The following SCD5 variants were observed in gnomAD, a reference collection of about 807,000 sequenced individuals.
SCD5 encodes the protein acyl-CoA-desaturase 4.
Under a neutral mutation model 30.4 loss-of-function variants are expected in SCD5, and 20 were observed. The observed-to-expected ratio is 0.66, with a 90% confidence interval of 0.46 to 0.96. The LOEUF (loss-of-function observed/expected upper bound fraction) is 0.96. Among genes scored for constraint, SCD5 ranks in the 40% least tolerant of loss-of-function variants. The pLI, the probability that SCD5 is intolerant of heterozygous loss-of-function variation, is 0.00. For synonymous variants in SCD5, 173 were observed against 176.4 expected, an observed-to-expected ratio of 0.98 and a Z score of 0.16; for missense variants, 381 against 443.3, an observed-to-expected ratio of 0.86 and a Z score of 1.26.
chr4:82,661,587 A>G (rs1405806703), intron 3 of SCD5, among the ~76,000 whole-genome samples: 1 of 152,232 alleles, frequency 6.6e-6, no homozygotes, highest in Non-Finnish European at 1.5e-5. Context: ...TGGAAAGAAC[A>G]ATTTGGACAG....
At chr4:82,635,880 A>G (rs1206332594) in intron 4 of SCD5, among the ~76,000 whole-genome samples, 1 of 152,138 alleles carries the variant, frequency 6.6e-6, no homozygotes, top group Non-Finnish European at 1.5e-5. Flanking sequence ...GTGAAATGCC[A>G]AGTCTCATTC....
chr4:82,771,021 A>G (rs1249042466), intron 1 of SCD5, among the ~76,000 whole-genome samples: 1 of 152,182 alleles, frequency 6.6e-6, no homozygotes, highest in Non-Finnish European at 1.5e-5. Flanking sequence ...CCTGGAGTGC[A>G]GTGGCACAAT....
rs984765830 is a variant in SCD5, at chr4:82,698,098, A to C, written c.363+7185T>G. On this transcript the variant is annotated intron_variant, in intron 2 of 4. Coordinates refer to ENST00000319540, the MANE Select transcript of SCD5 (RefSeq NM_001037582.3). ...CTGCTGCTGCCTGTTTACATGGAGG[A>C]GAAAACCAACAACACCCACCCATCT... 8.8e-6 allele frequency: 4 copies of C among 456,502 alleles called. No homozygotes were observed. In the Admixed American group the frequency reaches 9.4e-5, roughly 11 times the overall value. The allele number at this position is 456,502 out of a possible 1,614,324, so 28.3% of individuals were successfully genotyped here. A position where few individuals can be genotyped will look rare whatever the true frequency, so the allele number is the denominator to read the frequency against.
intron 1 of SCD5, among the ~76,000 whole-genome samples, chr4:82,730,213 C>T (rs1720597068): frequency 6.8e-6 from 1 of 146,150 alleles, no homozygotes; most frequent in Non-Finnish European, 1.5e-5. Context: ...TTATATAATA[C>T]ATATATTATA....
At chr4:82,769,915 C>A (rs1364990230) in intron 1 of SCD5, among the ~76,000 whole-genome samples, 1 of 151,306 alleles carries the variant, frequency 6.6e-6, no homozygotes, top group Admixed American at 6.6e-5. Flanking sequence ...AAAACTATAT[C>A]AAAATAAAAA....
At chr4:82,673,924 A>C (rs1036205714) in intron 3 of SCD5, among the ~76,000 whole-genome samples, 2 of 152,190 alleles carry the variant, frequency 1.3e-5, no homozygotes, top group African/African-American at 4.8e-5. Flanking sequence ...TTTTTAACAA[A>C]TTATGCTGGA....
chr4:82,709,645 T>C (rs1720039336), intron 1 of SCD5, among the ~76,000 whole-genome samples: 2 of 152,134 alleles, frequency 1.3e-5, no homozygotes, highest in Admixed American at 6.5e-5. Context: ...GAAAAGAGGA[T>C]CCATGGATGG....
At chr4:82,704,294 G>A (rs889305499) in intron 2 of SCD5, among the ~76,000 whole-genome samples, 9 of 152,190 alleles carry the variant, frequency 5.9e-5, no homozygotes, top group East Asian at 1.9e-4. Context: ...TGGGTCACCC[G>A]TCTCCCTGGA....
chr4:82,750,002 A>G (rs1560552404), intron 1 of SCD5, among the ~76,000 whole-genome samples: 1 of 152,248 alleles, frequency 6.6e-6, no homozygotes, highest in Non-Finnish European at 1.5e-5. Flanking sequence ...TATTAGCTGT[A>G]TAACTGTAGC....
intron 1 of SCD5, among the ~76,000 whole-genome samples, chr4:82,783,672 G>A (rs904083125): frequency 2.6e-5 from 4 of 152,022 alleles, no homozygotes; most frequent in Non-Finnish European, 5.9e-5. Context: ...GCGTGGCAGC[G>A]CATGCCTGTA....
At chr4:82,771,477 G>T (rs1005877360) in intron 1 of SCD5, among the ~76,000 whole-genome samples, 1 of 152,186 alleles carries the variant, frequency 6.6e-6, no homozygotes, top group South Asian at 2.1e-4. Flanking sequence ...GGTGTAGGAC[G>T]CTATGCCTAT....
chr4:82,660,096 G>T (rs1299538060), intron 3 of SCD5: 1 of 151,990 alleles, frequency 6.6e-6, no homozygotes, highest in Non-Finnish European at 1.5e-5. Flanking sequence ...TAATGGTAAT[G>T]GGATCAATGC....
intron 1 of SCD5, among the ~76,000 whole-genome samples, chr4:82,762,976 C>T (rs1301601382): frequency 1.3e-5 from 2 of 152,154 alleles, no homozygotes; most frequent in Non-Finnish European, 2.9e-5. Context: ...TTCCTGGTCC[C>T]CCTCTGTAGG....
chr4:82,702,130 C>CTTTTTTTTTTTTTTTTTTTTTTTTTTTTT (rs10701664), intron 2 of SCD5, among the ~76,000 whole-genome samples: 1 of 64,072 alleles, frequency 1.6e-5, no homozygotes, highest in Non-Finnish European at 2.8e-5. Flanking sequence ...CCATCATCAT[C>CTTTTTTTTTTTTTTTTTTTTTTTTTTTTT]TTTTTTTTTT....
At chr4:82,665,374 T>A (rs1578012196) in intron 3 of SCD5, among the ~76,000 whole-genome samples, 1 of 150,902 alleles carries the variant, frequency 6.6e-6, no homozygotes, top group Non-Finnish European at 1.5e-5. Context: ...AATACCTCTC[T>A]CCTTAAAAAA....
At position 82,630,312 on chromosome 4, in the gene SCD5, TTC is replaced by T. The variant is rs1020468602; in HGVS notation, c.*1013_*1014del. 1.2e-4 allele frequency: 18 copies of T among 152,138 alleles called. No homozygotes were observed. The highest frequency in any genetic ancestry group is 4.3e-4 in the African/African-American group (18 of 41,414). The allele number at this position is 152,138 out of a possible 1,614,324, so 9.4% of individuals were successfully genotyped here. On this transcript the variant is annotated 3_prime_UTR_variant, in exon 5 of 5. Coordinates refer to ENST00000319540, the MANE Select transcript of SCD5 (RefSeq NM_001037582.3). ...AAATAAACAAGAGCCATTTCCTGTA[TTC>T]TCATTTTTTTCAGTTTTTGATTCTC...
chr4:82,641,059 G>A (rs903741215), intron 3 of SCD5, among the ~76,000 whole-genome samples: 15 of 152,086 alleles, frequency 9.9e-5, no homozygotes, highest in African/African-American at 3.6e-4. Context: ...GCTAATAAAT[G>A]TATTGGGTGC....
intron 1 of SCD5, among the ~76,000 whole-genome samples, chr4:82,756,088 T>A (rs915492787): frequency 1.3e-5 from 2 of 152,234 alleles, no homozygotes; most frequent in Admixed American, 6.5e-5. Flanking sequence ...CAGCCTGAGA[T>A]GCCTTCCTCC....
intron 1 of SCD5, among the ~76,000 whole-genome samples, chr4:82,779,415 C>A (rs1485490205): frequency 6.6e-6 from 1 of 152,146 alleles, no homozygotes; most frequent in Non-Finnish European, 1.5e-5. Context: ...TCCTGAATGT[C>A]GACACTTTGA....
Sources: allele counts gnomAD v4.1 joint callset (sites outside exome capture counted in the v4.1 genomes callset), GRCh38; gene constraint gnomAD v4.1.1; transcripts MANE v1.5; gene names NCBI Gene and HGNC (gene_info 2026-07-23, HGNC 2026-07-21).